Variants in GRIN2D observed in about 807,000 individuals in gnomAD.
The protein encoded by GRIN2D is glutamate receptor ionotropic, NMDA 2D.
Under a neutral mutation model 103.2 loss-of-function variants are expected in GRIN2D, and 37 were observed. The observed-to-expected ratio is 0.36, with a 90% confidence interval of 0.28 to 0.47. The LOEUF (loss-of-function observed/expected upper bound fraction) is 0.47. Ranked by LOEUF, GRIN2D falls within the 20% of genes least tolerant of loss-of-function variation. The pLI, the probability that GRIN2D is intolerant of heterozygous loss-of-function variation, is 1.00. For missense variants in GRIN2D, 1,557 were observed against 1,910.6 expected, an observed-to-expected ratio of 0.81 and a Z score of 3.45; for synonymous variants, 845 against 885.6, an observed-to-expected ratio of 0.95 and a Z score of 0.81.
Position 48,414,091 on chromosome 19 carries a change from A to G in GRIN2D, c.1186A>G (p.Arg396Gly). Reference protein sequence around the residue: ...SLVVISLTRDRTWEVVGSWEQ... With the variant: ...SLVVISLTRDGTWEVVGSWEQ... ...GGTGGTCATCTCCCTCACCAGAGAC[A>G]GGACGTGGGAGGTGGTGAGTCGTAG... Residue 396 changes from arginine to glycine, a missense_variant, in exon 5 of 14, where the codon AGG becomes GGG. Around this residue, in one of 7 missense-constraint regions of GRIN2D, gnomAD observed 490 missense variants for 601.1 expected, o/e 0.82. Transcript: ENST00000263269. The surrounding 1 kb of genome is among the most constrained non-coding windows in gnomAD (Gnocchi z 4.6). The G allele has an allele frequency of 6.3e-7, 1 of 1,592,844 alleles. No individual in the cohort carries two copies. The highest frequency in any genetic ancestry group is 8.6e-7 in the Non-Finnish European group (1 of 1,160,728).
chr19:48,426,311 C>G (rs922921336), intron 11 of GRIN2D, among the ~76,000 whole-genome samples: 1 of 148,680 alleles, frequency 6.7e-6, no homozygotes, highest in Non-Finnish European at 1.5e-5. Flanking sequence ...CTGCAATCTC[C>G]GTCTCCTGGG....
At chr19:48,424,208 G>T (rs1427516969) in intron 11 of GRIN2D, among the ~76,000 whole-genome samples, 3 of 149,550 alleles carry the variant, frequency 2.0e-5, no homozygotes, top group Non-Finnish European at 4.4e-5. Flanking sequence ...TTAAGACCAG[G>T]AGTTCAAGAC....
In GRIN2D at chr19:48,400,323, T is replaced by C. The variant is rs568866674; in HGVS notation, c.465+1466T>C. 8.5e-5 allele frequency among the ~76,000 whole-genome samples: 13 copies of C among 152,342 alleles called. No homozygotes were observed. In the South Asian group the frequency reaches 2.5e-3, roughly 29 times the overall value. ...AGCTTCATTCAATCTGCCCATTCCCTGCTGTGCGGGCCTGTGGCTGTGTGA... is the reference window on the plus strand; with the variant it reads ...AGCTTCATTCAATCTGCCCATTCCCCGCTGTGCGGGCCTGTGGCTGTGTGA... On this transcript the variant is annotated intron_variant, in intron 3 of 13. Transcript: ENST00000263269.
intron 3 of GRIN2D, among the ~76,000 whole-genome samples, chr19:48,401,265 GAAA>G (rs375552992): frequency 6.7e-5 from 10 of 150,298 alleles, no homozygotes; most frequent in Non-Finnish European, 8.9e-5. Flanking sequence ...GAGGGGGGGG[GAAA>G]AAAAGAGAGG....
chr19:48,398,140 T>C (rs369610228), intron 2 of GRIN2D, among the ~76,000 whole-genome samples: 2 of 150,546 alleles, frequency 1.3e-5, no homozygotes. Flanking sequence ...CCTCTGTCTC[T>C]CCTCCATTTC....
At chr19:48,395,265 C>A (rs909552614) in intron 2 of GRIN2D, among the ~76,000 whole-genome samples, 2 of 151,806 alleles carry the variant, frequency 1.3e-5, no homozygotes, top group Non-Finnish European at 2.9e-5. Flanking sequence ...CCTGTACCCC[C>A]CTCCCTGCAT....
rs1368935415 is a variant in GRIN2D, at chr19:48,398,422, T to C, written c.30T>C (p.Pro10=). The C allele has an allele frequency of 5.4e-6, 6 of 1,117,696 alleles. No individual in the cohort carries two copies. The highest frequency in any genetic ancestry group is 6.5e-6 in the Non-Finnish European group (6 of 916,178). 69.2% of individuals were successfully genotyped at this position (1,117,696 alleles called of 1,614,324 possible). The stretch of plus-strand genomic sequence containing the variant: ...GCGGCGCCGGTGGCCCCCGCGGCCC[T>C]CGGGGCCCCGCTAAGATGCTGCTGC... The part of the protein sequence containing the change: MRGAGGPRG[P]RGPAKMLLLL... Residue 10 remains proline, a synonymous_variant, in exon 3 of 14, where the codon CCT becomes CCC. Coordinates refer to ENST00000263269, the MANE Select transcript of GRIN2D (RefSeq NM_000836.4).
At position 48,420,564 on chromosome 19, in the gene GRIN2D, G is replaced by A. The variant is rs142922677; in HGVS notation, c.2091+750G>A. The stretch of plus-strand genomic sequence containing the variant: ...AACCTGGCCAGGAACGGTGGCTCAC[G>A]CCTGTAATCCCAGCACTTTGGGAGG... On this transcript the variant is annotated intron_variant, in intron 10 of 13. Transcript: ENST00000263269. Among the ~76,000 whole-genome samples, 625 of 150,960 alleles carry A rather than the reference G, an allele frequency of 4.1e-3. 3 individuals are homozygous for A. The highest frequency in any genetic ancestry group is 0.014 in the African/African-American group (561 of 41,120).
Position 48,415,003 on chromosome 19 carries a change from G to C in GRIN2D, c.1552G>C (p.Asp518His), listed in dbSNP as rs1453671339. 6.2e-7 allele frequency: 1 copy of C among 1,604,488 alleles called. No individual in the cohort carries two copies. ...CAATGGCAAGCACGGAAAGAAGATC[G>C]ATGGCGTCTGGAACGGCATGATCGG... ...VTNGKHGKKI[D>H]GVWNGMIGEV... Residue 518 changes from aspartate to histidine, a missense_variant, in exon 7 of 14, where the codon GAT becomes CAT. Physicochemically the swap from Asp to His is moderately conservative, Grantham distance 81. This residue lies in a region of GRIN2D where 197 missense variants were observed against 334.1 expected (regional missense o/e 0.59). Transcript: ENST00000263269.
At chr19:48,424,554 G>A (rs1012084124) in intron 11 of GRIN2D, among the ~76,000 whole-genome samples, 1 of 152,130 alleles carries the variant, frequency 6.6e-6, no homozygotes, top group Non-Finnish European at 1.5e-5. Flanking sequence ...ACAGGCGTGA[G>A]CCACCGCGCC....
At chr19:48,402,553 T>A (rs902844915) in intron 3 of GRIN2D, among the ~76,000 whole-genome samples, 1 of 151,076 alleles carries the variant, frequency 6.6e-6, no homozygotes, top group African/African-American at 2.4e-5. Context: ...CCGTCTCTAC[T>A]AAAAATACAA....
chr19:48,443,459 G>T lies in GRIN2D; in HGVS notation c.3533G>T (p.Trp1178Leu). 7.2e-7 allele frequency: 1 copy of T among 1,380,514 alleles called. No homozygotes were observed. Among genetic ancestry groups the T allele is most frequent in the South Asian group, 1.6e-5 (1 of 63,548 alleles). 85.5% of individuals were successfully genotyped at this position (1,380,514 alleles called of 1,614,324 possible). A position where few individuals can be genotyped will look rare whatever the true frequency, so the allele number is the denominator to read the frequency against. Residue 1178 changes from tryptophan (W) to leucine (L), a missense_variant, in exon 14 of 14, where the codon TGG becomes TTG. Around this residue, in one of 7 missense-constraint regions of GRIN2D, gnomAD observed 632 missense variants for 572.8 expected, o/e 1.10. Coordinates refer to ENST00000263269, the MANE Select transcript of GRIN2D (RefSeq NM_000836.4). This position sits in a 1 kb window ranked among gnomAD's most constrained non-coding sequence, Gnocchi z 8.9. ...CCCCCGCGCAGCGGTCCGGCCGCCT[G>T]GCACTGTCGGCACTGCGCCAGCCTG... ...YLPPRSGPAAWHCRHCASLEL... is the reference protein window; with the variant it reads ...YLPPRSGPAALHCRHCASLEL...
Position 48,421,971 on chromosome 19 carries a change from G to A in GRIN2D, c.2252+26G>A. 4 of 1,608,868 alleles carry A rather than the reference G, an allele frequency of 2.5e-6. No individual in the cohort carries two copies. The highest frequency in any genetic ancestry group is 2.5e-6 in the Non-Finnish European group (3 of 1,176,506). On this transcript the variant is annotated intron_variant, in intron 11 of 13. Transcript: ENST00000263269. This position sits in a 1 kb window ranked among gnomAD's most constrained non-coding sequence, Gnocchi z 4.8. ...GTCAGCGCAGACTCGGGCCGGGGGT[G>A]GGGGTTGGGCCGCTGGGGACCTGAG... is the stretch of plus-strand genomic sequence containing the variant.
chr19:48,436,292 G>A (rs916627467), intron 11 of GRIN2D, among the ~76,000 whole-genome samples: 2 of 152,098 alleles, frequency 1.3e-5, no homozygotes, highest in Admixed American at 6.6e-5. Context: ...ACTCACAGGC[G>A]GTCGAAGTGA....
chr19:48,419,831 G>T lies in GRIN2D; in HGVS notation c.2091+17G>T, dbSNP rs1415844076. On this transcript the variant is annotated intron_variant, in intron 10 of 13. Transcript: ENST00000263269. Reference sequence around the variant, plus strand: ...GACCGCAAGGTGTGTGTGGGCCCAGGGCTGGGCTGGAGCTGGGGCTGGGGC... The same window carrying T: ...GACCGCAAGGTGTGTGTGGGCCCAGTGCTGGGCTGGAGCTGGGGCTGGGGC... 3.2e-6 allele frequency: 5 copies of T among 1,581,736 alleles called. No individual in the cohort carries two copies. The highest frequency in any genetic ancestry group is 4.3e-6 in the Non-Finnish European group (5 of 1,152,612).
chr19:48,403,352 G>T lies in GRIN2D; in HGVS notation c.466-1382G>T, dbSNP rs551937746. Among the ~76,000 whole-genome samples the T allele has an allele frequency of 3.9e-5, 6 of 152,266 alleles. 1 individual carries two copies. In the South Asian group the frequency reaches 1.2e-3, roughly 32 times the overall value. ...AAGCTGTTCTATAGCTGCTCTGTCC[G>T]ATTTGAAAGCCACAAGCCACATGTG... On this transcript the variant is annotated intron_variant, in intron 3 of 13. Coordinates refer to ENST00000263269, the MANE Select transcript of GRIN2D (RefSeq NM_000836.4).
intron 11 of GRIN2D, among the ~76,000 whole-genome samples, chr19:48,425,875 T>C (rs1395704050): frequency 3.3e-5 from 5 of 152,164 alleles, no homozygotes; most frequent in South Asian, 2.1e-4. Flanking sequence ...TAGACATCCA[T>C]GTGACCAGGT....
intron 11 of GRIN2D, among the ~76,000 whole-genome samples, chr19:48,427,011 C>T (rs1382285189): frequency 1.3e-5 from 2 of 151,822 alleles, no homozygotes; most frequent in Non-Finnish European, 2.9e-5. Flanking sequence ...TTAGCTATAA[C>T]AGATACTGTC....
chr19:48,435,496 G>A (rs1971218726), intron 11 of GRIN2D, among the ~76,000 whole-genome samples: 1 of 151,944 alleles, frequency 6.6e-6, no homozygotes, highest in Non-Finnish European at 1.5e-5. Context: ...CGCCATGTTG[G>A]CCAGGCTGGT....
Sources: gnomAD v4.1 joint callset for allele counts (sites outside exome capture counted in the v4.1 genomes callset) on GRCh38, gnomAD v4.1.1 for gene constraint, gnomAD v4.1.1 regional missense constraint, Gnocchi (gnomAD v3.1) non-coding constraint, MANE v1.5 for transcripts, NCBI Gene and HGNC (gene_info 2026-07-23, HGNC 2026-07-21) for gene names.